ZNF385D: variants seen among roughly 807,000 people sequenced by gnomAD.
The protein encoded by ZNF385D is zinc finger protein 385D, also known as zinc finger protein 659.
A neutral mutation model predicts 35.8 loss-of-function variants in ZNF385D; 15 were observed. That is an observed-to-expected ratio of 0.42 (90% CI 0.28 to 0.64). ZNF385D has a LOEUF of 0.64. Ranked by LOEUF, ZNF385D falls within the 30% of genes least tolerant of loss-of-function variation. The probability of loss-of-function intolerance (pLI) is 0.23; values close to 1 mark genes in which losing one functional copy is unlikely to be tolerated. For missense variants in ZNF385D, 474 were observed against 494.6 expected (o/e 0.96, Z 0.39); for synonymous variants, 212 against 186.8 (o/e 1.13, Z -1.10).
At chr3:21,673,202 T>G (rs770845279) in intron 1 of ZNF385D, among the ~76,000 whole-genome samples, 1 of 152,142 alleles carries the variant, frequency 6.6e-6, no homozygotes, top group Non-Finnish European at 1.5e-5. Context: ...ATGGTGGCCA[T>G]TGACAGTCAC....
In ZNF385D at chr3:22,329,327, C is replaced by T. The variant is rs376409201; in HGVS notation, c.106+43123G>A. On this transcript the variant is annotated intron_variant, in intron 2 of 5. Coordinates refer to the ZNF385D transcript ENST00000494108. ...ATATTTTTAGGTATATATTTTTCCT[C>T]ACCAATTTAAATACATTACTCCATT... Among the ~76,000 whole-genome samples the T allele has an allele frequency of 4.6e-5, 7 of 152,062 alleles. No homozygotes were observed. The East Asian group carries it at 9.7e-4, about 21-fold the overall frequency.
chr3:21,773,970 A>G (rs1015197898), intron 3 of ZNF385D, among the ~76,000 whole-genome samples: 1 of 152,020 alleles, frequency 6.6e-6, no homozygotes, highest in Non-Finnish European at 1.5e-5. Context: ...ACATGCACAC[A>G]TATGTTCATT....
chr3:21,864,835 T>G (rs1697249132), intron 3 of ZNF385D, among the ~76,000 whole-genome samples: 1 of 152,026 alleles, frequency 6.6e-6, no homozygotes, highest in South Asian at 2.1e-4. Context: ...AATATCATTC[T>G]TTATTATTCC....
At chr3:21,911,118 A>G (rs1412586017) in intron 3 of ZNF385D, among the ~76,000 whole-genome samples, 1 of 151,952 alleles carries the variant, frequency 6.6e-6, no homozygotes, top group African/African-American at 2.4e-5. Flanking sequence ...TACATATAAT[A>G]TTGGCTCTTC....
At chr3:22,034,767 T>C (rs1450313596) in intron 3 of ZNF385D, among the ~76,000 whole-genome samples, 7 of 152,128 alleles carry the variant, frequency 4.6e-5, no homozygotes, top group African/African-American at 1.4e-4. Context: ...AAAAAGTAAG[T>C]ATCATTAGGC....
At chr3:22,137,142 CTG>C (rs1704185203) in intron 3 of ZNF385D, among the ~76,000 whole-genome samples, 1 of 152,130 alleles carries the variant, frequency 6.6e-6, no homozygotes, top group Non-Finnish European at 1.5e-5. Flanking sequence ...TAAGATCTTT[CTG>C]TGTTTTTTAC....
chr3:21,537,957 C>T (rs2062075829), intron 3 of ZNF385D, among the ~76,000 whole-genome samples: 1 of 151,870 alleles, frequency 6.6e-6, no homozygotes, highest in Non-Finnish European at 1.5e-5. Context: ...ACAATGGTGG[C>T]TTGGACCAAA....
chr3:21,912,435 G>C (rs1167461323), intron 3 of ZNF385D, among the ~76,000 whole-genome samples: 2 of 152,074 alleles, frequency 1.3e-5, no homozygotes, highest in African/African-American at 4.8e-5. Flanking sequence ...AGGAGTACCA[G>C]ATACCTGCTT....
chr3:21,517,185 A>G (rs1203048352), intron 3 of ZNF385D, among the ~76,000 whole-genome samples: 1 of 152,080 alleles, frequency 6.6e-6, no homozygotes, highest in Non-Finnish European at 1.5e-5. Flanking sequence ...CCACAGTTAA[A>G]CTGCTGACCC....
At chr3:21,897,696 T>C (rs1043477180) in intron 3 of ZNF385D, among the ~76,000 whole-genome samples, 4 of 152,108 alleles carry the variant, frequency 2.6e-5, no homozygotes, top group African/African-American at 7.2e-5. Flanking sequence ...AGAGAAGGCA[T>C]CTTGCTTCTC....
chr3:21,435,910 A>G (rs1701528064), intron 5 of ZNF385D, among the ~76,000 whole-genome samples: 1 of 152,188 alleles, frequency 6.6e-6, no homozygotes, highest in African/African-American at 2.4e-5. Context: ...TCCATCTGCT[A>G]TTACTCCTTA....
At chr3:21,824,824 A>T (rs1694496994) in intron 3 of ZNF385D, among the ~76,000 whole-genome samples, 1 of 152,146 alleles carries the variant, frequency 6.6e-6, no homozygotes, top group African/African-American at 2.4e-5. Context: ...ATTATTCTGA[A>T]GTTCCTTGAT....
chr3:21,677,885 A>G (rs544223152), intron 1 of ZNF385D, among the ~76,000 whole-genome samples: 6 of 152,144 alleles, frequency 3.9e-5, no homozygotes, highest in African/African-American at 1.4e-4. Context: ...ATGCGTACAT[A>G]GGTTGATTGA....
At chr3:21,886,872 C>T (rs1468572747) in intron 3 of ZNF385D, among the ~76,000 whole-genome samples, 1 of 152,130 alleles carries the variant, frequency 6.6e-6, no homozygotes, top group African/African-American at 2.4e-5. Context: ...GTGATTGGAT[C>T]AGCAGTGCCC....
intron 2 of ZNF385D, among the ~76,000 whole-genome samples, chr3:21,635,144 A>G (rs570325701): frequency 6.6e-6 from 1 of 152,200 alleles, no homozygotes; most frequent in Admixed American, 6.6e-5. Flanking sequence ...AATATTAAGC[A>G]TTTACTTTGA....
chr3:22,117,112 CT>C (rs1702851998), intron 3 of ZNF385D, among the ~76,000 whole-genome samples: 1 of 152,016 alleles, frequency 6.6e-6, no homozygotes, highest in East Asian at 1.9e-4. Flanking sequence ...GGAGTTCCCA[CT>C]GGTGAGGCTT....
chr3:21,850,336 G>A (rs1479167216), intron 3 of ZNF385D, among the ~76,000 whole-genome samples: 1 of 152,022 alleles, frequency 6.6e-6, no homozygotes, highest in African/African-American at 2.4e-5. Context: ...AGAAAACAAA[G>A]TAAGCCCTAC....
chr3:22,278,569 T>A (rs889523473), intron 2 of ZNF385D, among the ~76,000 whole-genome samples: 1 of 152,126 alleles, frequency 6.6e-6, no homozygotes, highest in African/African-American at 2.4e-5. Context: ...GATCTCATAT[T>A]CAATTTAGTT....
At position 21,430,831 on chromosome 3, in the gene ZNF385D, A is replaced by T. The variant is rs536111422; in HGVS notation, c.674-5161T>A. On this transcript the variant is annotated intron_variant, in intron 5 of 7. Transcript: ENST00000281523. ...GTGAAAAGGTCTTAAACTTATTAAC[A>T]TGCAACAATTAATAAATGGACAAAT... is the stretch of plus-strand genomic sequence containing the variant. Among the ~76,000 whole-genome samples, 22 of 152,336 alleles carry T rather than the reference A, an allele frequency of 1.4e-4. No homozygotes were observed. In the South Asian group the frequency reaches 4.3e-3, roughly 30 times the overall value.
Sources: allele counts gnomAD v4.1 joint callset (sites outside exome capture counted in the v4.1 genomes callset), GRCh38; gene constraint gnomAD v4.1.1; transcripts MANE v1.5; gene names NCBI Gene and HGNC (gene_info 2026-07-23, HGNC 2026-07-21).